MEIOB: variants seen among roughly 807,000 people sequenced by gnomAD.
The protein encoded by MEIOB is meiosis specific with OB-fold, also known as meiosis-specific with OB domain-containing protein.
In MEIOB, 50 loss-of-function variants were observed where a neutral mutation model predicts 53.1. The observed-to-expected ratio is 0.94, with a 90% CI of 0.75 to 1.19. The LOEUF (loss-of-function observed/expected upper bound fraction) is 1.19. Among genes scored for constraint, MEIOB ranks in the 50% most tolerant of loss-of-function variants. The pLI, the probability that MEIOB is intolerant of heterozygous loss-of-function variation, is 0.00. For missense variants in MEIOB, 551 were observed against 550.8 expected (o/e 1.00, Z 0.00); for synonymous variants, 192 against 182.5 (o/e 1.05, Z -0.42).
intron 3 of MEIOB, among the ~76,000 whole-genome samples, chr16:1,863,900 C>T (rs1187964224): frequency 2.0e-5 from 3 of 152,142 alleles, no homozygotes; most frequent in Admixed American, 2.0e-4. Flanking sequence ...TTGCTCCTGC[C>T]TATAATCCCG....
chr16:1,839,420 A>C lies in MEIOB; in HGVS notation c.1053T>G (p.Ile351Met), dbSNP rs143531383. Residue 351 changes from isoleucine to methionine, a missense_variant, in exon 12 of 14, where the codon ATT (isoleucine) becomes ATG (methionine). By Grantham distance (10) the Ile-to-Met change is conservative (BLOSUM62 1). Coordinates refer to ENST00000325962, the MANE Select transcript of MEIOB (RefSeq NM_001163560.3). Reference protein sequence around the residue: ...VRNRCSSCGYIVNEASNMCTT... With the variant: ...VRNRCSSCGYMVNEASNMCTT... ...TGCACATGTTAGATGCTTCATTTAC[A>C]ATATAACCACAGCTGGAACTGAAAA... 8.4e-4 allele frequency: 1,347 copies of C among 1,612,038 alleles called. 3 individuals are homozygous for C. Among genetic ancestry groups the C allele is most frequent in the Non-Finnish European group, 7.4e-4 (870 of 1,179,290 alleles).
chr16:1,857,167 C>T (rs373371721), intron 6 of MEIOB, among the ~76,000 whole-genome samples: 1 of 152,218 alleles, frequency 6.6e-6, no homozygotes, highest in African/African-American at 2.4e-5. Context: ...GAACTTGCTA[C>T]AGTAATTCAG....
intron 11 of MEIOB, chr16:1,840,973 A>G (rs527646987): frequency 1.3e-5 from 2 of 151,852 alleles, no homozygotes; most frequent in Non-Finnish European, 2.9e-5. Context: ...TCTTTTAGCT[A>G]AGAGTATTAA....
chr16:1,845,016 C>G, intron 9 of MEIOB, 53 bp from the exon 10 acceptor site: 2 of 810,748 alleles, frequency 2.5e-6, no homozygotes, highest in Middle Eastern at 3.2e-4. Context: ...TCATTTAAAT[C>G]ACATTTAAAT....
In MEIOB at chr16:1,858,078, C is replaced by T. The variant is rs1413010151; in HGVS notation, c.333-148G>A. On this transcript the variant is annotated intron_variant, in intron 5 of 13. Transcript: ENST00000325962. Reference sequence around the variant, plus strand: ...CTCTTAGAAACATTGAATAATACAGCAAAACATTTTTTGTTTACAGTGCAC... The same window carrying T: ...CTCTTAGAAACATTGAATAATACAGTAAAACATTTTTTGTTTACAGTGCAC... 1.0e-5 allele frequency: 6 copies of T among 579,144 alleles called. No homozygotes were observed. The East Asian group carries it at 1.8e-4, about 18-fold the overall frequency. The allele number at this position is 579,144 out of a possible 1,614,324, so 35.9% of individuals were successfully genotyped here.
At chr16:1,846,949 G>GA (rs199923459) in intron 9 of MEIOB, among the ~76,000 whole-genome samples, 26,583 of 151,936 alleles carry the variant, frequency 0.17, 2,458 homozygotes, top group South Asian at 0.26. Flanking sequence ...GAGGTCAGGA[G>GA]ATCAAGACCA....
chr16:1,852,069 T>C (rs574965723), intron 9 of MEIOB, among the ~76,000 whole-genome samples: 2 of 152,282 alleles, frequency 1.3e-5, no homozygotes, highest in East Asian at 3.9e-4. Flanking sequence ...TATGAGCTAA[T>C]GATACTACAC....
chr16:1,849,709 C>T (rs1167897592), intron 9 of MEIOB, among the ~76,000 whole-genome samples: 1 of 151,940 alleles, frequency 6.6e-6, no homozygotes, highest in Non-Finnish European at 1.5e-5. Flanking sequence ...CAAATTCGTG[C>T]ATTCTCGCGA....
intron 3 of MEIOB, among the ~76,000 whole-genome samples, chr16:1,863,717 C>A (rs1421889635): frequency 1.7e-5 from 2 of 119,152 alleles, no homozygotes; most frequent in Admixed American, 1.9e-4. Flanking sequence ...CAGAGTGAGA[C>A]CCTGTCTCAA....
intron 3 of MEIOB, 128 bp from the exon 4 acceptor site, chr16:1,862,244 CTATT>C: frequency 1.4e-6 from 1 of 696,672 alleles, no homozygotes; most frequent in Non-Finnish European, 2.3e-6. Context: ...AATCAAATAA[CTATT>C]GATTATGATA....
intron 1 of MEIOB, among the ~76,000 whole-genome samples, chr16:1,870,562 C>A (rs746814566): frequency 5.3e-5 from 8 of 152,166 alleles, no homozygotes; most frequent in Non-Finnish European, 1.2e-4. Flanking sequence ...ATTTCCTCAT[C>A]CTTAAATTGT....
At chr16:1,834,453 G>T (rs1898685707) in intron 13 of MEIOB, 87 bp from the exon 14 acceptor site, 2 of 701,226 alleles carry the variant, frequency 2.9e-6, no homozygotes, top group Admixed American at 4.9e-5. Context: ...ATCACGAATA[G>T]AGAACTGCAA....
intron 9 of MEIOB, among the ~76,000 whole-genome samples, chr16:1,851,892 A>G (rs1625393): frequency 0.83 from 125,819 of 152,086 alleles, 52,176 homozygotes; most frequent in Middle Eastern, 0.9. Flanking sequence ...CCATTTCTTT[A>G]GCAGTACTGG....
At chr16:1,860,274 G>A (rs1217386231) in intron 5 of MEIOB, 129 bp downstream of exon 5, 3 of 513,770 alleles carry the variant, frequency 5.8e-6, no homozygotes, top group Non-Finnish European at 1.0e-5. Context: ...AATTTTGTAA[G>A]AGAAAATTAA....
chr16:1,870,263 A>G (rs1285297983), intron 1 of MEIOB, among the ~76,000 whole-genome samples: 3 of 152,238 alleles, frequency 2.0e-5, no homozygotes, highest in African/African-American at 7.2e-5. Context: ...TATGTATTTC[A>G]TAACTGAAAA....
At chr16:1,854,555 T>G (rs11643973) in intron 6 of MEIOB, among the ~76,000 whole-genome samples, 7 of 151,898 alleles carry the variant, frequency 4.6e-5, no homozygotes, top group Non-Finnish European at 8.8e-5. Context: ...TGTATCCCCA[T>G]GGCTCAGCGT....
Position 1,854,132 on chromosome 16 carries a change from A to C in MEIOB, c.597T>G (p.Tyr199Ter). 1 of 1,551,274 alleles carries C rather than the reference A, an allele frequency of 6.4e-7. No homozygotes were observed. The highest frequency in any genetic ancestry group is 8.7e-7 in the Non-Finnish European group (1 of 1,146,776). Residue 199 changes from tyrosine to a stop codon, truncating the protein, a stop_gained, in exon 7 of 14, where the codon TAT becomes TAG. Coordinates refer to ENST00000325962, the MANE Select transcript of MEIOB (RefSeq NM_001163560.3). LOFTEE classifies it high-confidence loss of function. ...RKGQRCEVRL[Y>*]DETESSFAMT... Reference sequence around the variant, plus strand: ...TCGCAAAAGACGACTCTGTTTCATCATAGAGTCTAACTTCACACCTCTGGC... The same window carrying C: ...TCGCAAAAGACGACTCTGTTTCATCCTAGAGTCTAACTTCACACCTCTGGC...
Position 1,843,876 on chromosome 16 carries a change from T to C in MEIOB, c.880+986A>G, listed in dbSNP as rs1363678497. ...GAATCTTCCAGGAACTAATATTACT[T>C]GGGTTAGAAAACTTTTATGAGAACT... On this transcript the variant is annotated intron_variant, in intron 10 of 13. Coordinates refer to ENST00000325962, the MANE Select transcript of MEIOB (RefSeq NM_001163560.3). Among the ~76,000 whole-genome samples, 8 of 152,268 alleles carry C rather than the reference T, an allele frequency of 5.3e-5. No individual in the cohort carries two copies. The East Asian group carries it at 1.5e-3, about 29-fold the overall frequency.
At position 1,862,009 on chromosome 16, in the gene MEIOB, C is replaced by G; in HGVS notation, c.235G>C (p.Asp79His). The change falls in exon 4 of 14, where the codon GAC (aspartate) becomes CAC (histidine). Residue 79 changes from aspartate to histidine, a missense_variant. Coordinates refer to ENST00000325962, the MANE Select transcript of MEIOB (RefSeq NM_001163560.3). ...CCACAGTCACCAACCCTAAAGCTGTCAGAAAGAGACTTGATGTAATCTTCA... is the reference window on the plus strand; with the variant it reads ...CCACAGTCACCAACCCTAAAGCTGTGAGAAAGAGACTTGATGTAATCTTCA... Reference protein sequence around the residue: ...GNEDYIKSLSDSFRVGDCVII... With the variant: ...GNEDYIKSLSHSFRVGDCVII... 1 of 1,551,374 alleles carries G rather than the reference C, an allele frequency of 6.4e-7. No individual in the cohort carries two copies. The highest frequency in any genetic ancestry group is 8.7e-7 in the Non-Finnish European group (1 of 1,146,842).
Sources: allele counts gnomAD v4.1 joint callset (sites outside exome capture counted in the v4.1 genomes callset), GRCh38; gene constraint gnomAD v4.1.1; transcripts MANE v1.5; gene names NCBI Gene and HGNC (gene_info 2026-07-23, HGNC 2026-07-21).